Variants in RTL4 observed in about 807,000 individuals in gnomAD.
RTL4 encodes retrotransposon Gag like 4, also known as retrotransposon Gag-like protein 4.
A neutral mutation model predicts 5.3 loss-of-function variants in RTL4; 4 were observed. The observed-to-expected ratio is 0.75, with a 90% CI of 0.37 to 1.72. RTL4 has a LOEUF of 1.72. Ranked by LOEUF, RTL4 falls within the 40% of genes most tolerant of loss-of-function variation. The probability of loss-of-function intolerance (pLI) is 0.04; values close to 1 mark genes in which losing one functional copy is unlikely to be tolerated. For missense variants in RTL4, 260 were observed against 227.1 expected (o/e 1.14, Z -0.93); for synonymous variants, 98 against 87.3 (o/e 1.12, Z -0.68).
At chrX:112,345,233 T>A in the RTL4 span, among the ~76,000 whole-genome samples, 1 of 111,183 alleles carries the variant, frequency 9.0e-6, no homozygotes, top group Admixed American at 9.5e-5. Flanking sequence ...GTGCTCTTGC[T>A]CTCAATCAGC....
chrX:112,190,687 G>T, the RTL4 span, among the ~76,000 whole-genome samples: 1 of 111,838 alleles, frequency 8.9e-6, no homozygotes, highest in Admixed American at 9.5e-5. Context: ...CTCTCATCAG[G>T]AGCCATAATT....
At chrX:112,382,719 G>A in the RTL4 span, among the ~76,000 whole-genome samples, 1 of 111,653 alleles carries the variant, frequency 9.0e-6, no homozygotes, top group African/African-American at 3.3e-5. Context: ...TAAGCTCTTC[G>A]TGAGTTTGTG....
chrX:112,087,585 A>C, the RTL4 span, among the ~76,000 whole-genome samples: 5 of 111,748 alleles, frequency 4.5e-5, no homozygotes, highest in East Asian at 8.5e-4. Context: ...TTGATCAAAG[A>C]CACAAGTCCT....
the RTL4 span, among the ~76,000 whole-genome samples, chrX:112,417,163 G>T: frequency 9.0e-6 from 1 of 111,621 alleles, no homozygotes; most frequent in Non-Finnish European, 1.9e-5. Flanking sequence ...GCTAGGTGCA[G>T]TCGCTCTTGA....
the RTL4 span, among the ~76,000 whole-genome samples, chrX:112,370,945 C>T: frequency 9.1e-6 from 1 of 110,027 alleles, no homozygotes; most frequent in Admixed American, 9.7e-5. Context: ...TAGGACTGAA[C>T]CCAGAATTAG....
At chrX:112,328,996 T>C in the RTL4 span, among the ~76,000 whole-genome samples, 3 of 111,542 alleles carry the variant, frequency 2.7e-5, no homozygotes, top group African/African-American at 9.8e-5. Flanking sequence ...ATCTCTGGGA[T>C]GCATTCAAAG....
At chrX:112,457,162 A>T (rs1926859077), downstream of RTL4, 1 of 123,528 alleles carries the variant, frequency 8.1e-6, no homozygotes, top group South Asian at 3.7e-4. Flanking sequence ...CTGGAGAATT[A>T]TGCTAACTTT....
chrX:112,308,482 A>G, the RTL4 span, among the ~76,000 whole-genome samples: 2 of 111,665 alleles, frequency 1.8e-5, no homozygotes, highest in Non-Finnish European at 3.8e-5. Flanking sequence ...ACAATATTCT[A>G]TAAGTAGCAA....
the RTL4 span, among the ~76,000 whole-genome samples, chrX:112,365,178 T>C: frequency 9.1e-6 from 1 of 110,235 alleles, no homozygotes; most frequent in Non-Finnish European, 1.9e-5. Context: ...ATGGTGGGGG[T>C]GGAAAGAGAG....
At chrX:112,131,194 A>G in the RTL4 span, among the ~76,000 whole-genome samples, 1 of 96,679 alleles carries the variant, frequency 1.0e-5, no homozygotes, top group African/African-American at 3.9e-5. Context: ...AAATTAGAAT[A>G]AAAACATCTA....
chrX:112,103,256 C>T, the RTL4 span, among the ~76,000 whole-genome samples: 1 of 111,289 alleles, frequency 9.0e-6, no homozygotes, highest in South Asian at 3.7e-4. Context: ...ATAATGAGAC[C>T]CTGTCCTTTG....
chrX:112,428,997 T>A, the RTL4 span, among the ~76,000 whole-genome samples: 1 of 111,941 alleles, frequency 8.9e-6, no homozygotes, highest in African/African-American at 3.2e-5. Flanking sequence ...TAGAATGGTA[T>A]GTCTTTCTTC....
the RTL4 span, among the ~76,000 whole-genome samples, chrX:112,224,445 G>A: frequency 9.2e-6 from 1 of 109,112 alleles, no homozygotes; most frequent in South Asian, 4.0e-4. Flanking sequence ...AGGTTCAAGC[G>A]ATTCTTGTGC....
the RTL4 span, among the ~76,000 whole-genome samples, chrX:112,273,290 G>A: frequency 0.067 from 7,048 of 105,145 alleles, 566 homozygotes; most frequent in African/African-American, 0.23. Context: ...GTCTCCCTCT[G>A]TTGCCCAGGC....
At chrX:112,424,556 G>A in the RTL4 span, among the ~76,000 whole-genome samples, 1 of 111,178 alleles carries the variant, frequency 9.0e-6, no homozygotes, top group Non-Finnish European at 1.9e-5. Context: ...TGCTAAGGTT[G>A]CAACTAATCT....
chrX:112,420,198 CAGTT>C, the RTL4 span, among the ~76,000 whole-genome samples: 1 of 111,498 alleles, frequency 9.0e-6, no homozygotes, highest in Non-Finnish European at 1.9e-5. Flanking sequence ...GCCAGTGAAA[CAGTT>C]AGTAGGTTGC....
the RTL4 span, among the ~76,000 whole-genome samples, chrX:112,323,406 T>A: frequency 1.1e-3 from 120 of 112,153 alleles, no homozygotes; most frequent in African/African-American, 3.7e-3. Context: ...TTTATCAGCA[T>A]TACACATTTT....
At chrX:112,420,691 A>T in the RTL4 span, among the ~76,000 whole-genome samples, 1 of 111,928 alleles carries the variant, frequency 8.9e-6, no homozygotes, top group African/African-American at 3.2e-5. Flanking sequence ...GAAGTGCTAA[A>T]AGTAGCAGTA....
chrX:112,172,196 G>A, the RTL4 span, among the ~76,000 whole-genome samples: 13 of 110,996 alleles, frequency 1.2e-4, no homozygotes, highest in South Asian at 3.8e-4. Flanking sequence ...GTAGCAGCGG[G>A]CACCTGTAAT....
Sources: allele counts gnomAD v4.1 joint callset (sites outside exome capture counted in the v4.1 genomes callset), GRCh38; gene constraint gnomAD v4.1.1; transcripts MANE v1.5; gene names NCBI Gene and HGNC (gene_info 2026-07-23, HGNC 2026-07-21).